EPHB1: variants seen among roughly 807,000 people sequenced by gnomAD.
EPHB1 encodes ephrin type-B receptor 1.
Under a neutral mutation model 94.4 loss-of-function variants are expected in EPHB1, and 30 were observed. The ratio of observed to expected loss-of-function variants is 0.32; its 90% CI spans 0.24 to 0.43. The LOEUF is 0.43. Ranked by LOEUF, EPHB1 falls within the 20% of genes least tolerant of loss-of-function variation. The probability of loss-of-function intolerance (pLI) is 1.00; values close to 1 mark genes in which losing one functional copy is unlikely to be tolerated. For synonymous variants in EPHB1, 522 were observed against 489.1 expected, an observed-to-expected ratio of 1.07 and a Z score of -0.89; for missense variants, 1,055 against 1,308.3, an observed-to-expected ratio of 0.81 and a Z score of 2.99.
At chr3:135,007,864 A>G (rs568800160) in intron 3 of EPHB1, among the ~76,000 whole-genome samples, 7 of 152,328 alleles carry the variant, frequency 4.6e-5, no homozygotes, top group Admixed American at 2.0e-4. Context: ...TAAGCTGTTG[A>G]TCAGGTCAGG....
chr3:135,071,565 G>A (rs1021179279), intron 3 of EPHB1, among the ~76,000 whole-genome samples: 4 of 152,184 alleles, frequency 2.6e-5, no homozygotes, highest in Admixed American at 2.0e-4. Flanking sequence ...TGTGGGCCCT[G>A]GGGATAGAAA....
At chr3:135,136,121 T>A (rs1015983826) in intron 5 of EPHB1, among the ~76,000 whole-genome samples, 3 of 152,206 alleles carry the variant, frequency 2.0e-5, no homozygotes, top group African/African-American at 7.2e-5. Context: ...GTCCTAAAAG[T>A]GGACAGTACC....
At chr3:134,882,471 G>A (rs1262948575) in intron 1 of EPHB1, among the ~76,000 whole-genome samples, 1 of 152,094 alleles carries the variant, frequency 6.6e-6, no homozygotes, top group Non-Finnish European at 1.5e-5. Flanking sequence ...ATGATTCATT[G>A]TATATAAAAA....
chr3:134,986,001 C>T (rs985316786), intron 3 of EPHB1, among the ~76,000 whole-genome samples: 1 of 152,134 alleles, frequency 6.6e-6, no homozygotes, highest in African/African-American at 2.4e-5. Context: ...ATGTTTGCCC[C>T]AGATAGTGAC....
chr3:135,223,694 T>G (rs1243683300), intron 12 of EPHB1, among the ~76,000 whole-genome samples: 1 of 152,208 alleles, frequency 6.6e-6, no homozygotes, highest in Non-Finnish European at 1.5e-5. Flanking sequence ...AAAAACAACT[T>G]CAAAAAGAAA....
intron 7 of EPHB1, among the ~76,000 whole-genome samples, chr3:135,162,882 CTG>C (rs1287088014): frequency 6.6e-6 from 1 of 152,202 alleles, no homozygotes; most frequent in Non-Finnish European, 1.5e-5. Flanking sequence ...ATCTATCTGA[CTG>C]TGCCTACCAC....
rs543328178 is a variant in EPHB1, at chr3:135,214,544, C to T, written c.2346+12855C>T. On this transcript the variant is annotated intron_variant, in intron 12 of 15. Coordinates refer to ENST00000398015, the MANE Select transcript of EPHB1 (RefSeq NM_004441.5). ...GGAAGCCAGGCCTGTCACTCATGTGCGCTCCAGAGGTCTTTGTTCTGTGAC... is the reference window on the plus strand; with the variant it reads ...GGAAGCCAGGCCTGTCACTCATGTGTGCTCCAGAGGTCTTTGTTCTGTGAC... 1.5e-3 allele frequency among the ~76,000 whole-genome samples: 222 copies of T among 152,304 alleles called. 3 individuals are homozygous for T. The highest frequency in any genetic ancestry group is 5.0e-3 in the African/African-American group (208 of 41,560).
chr3:134,963,464 C>A (rs543182310), intron 3 of EPHB1, among the ~76,000 whole-genome samples: 2 of 152,244 alleles, frequency 1.3e-5, no homozygotes, highest in East Asian at 3.9e-4. Context: ...GGGTATGGAG[C>A]ACACTTCTGG....
intron 12 of EPHB1, among the ~76,000 whole-genome samples, chr3:135,222,778 G>GGAAGCACAA (rs1354205916): frequency 2.0e-5 from 3 of 152,180 alleles, no homozygotes; most frequent in Non-Finnish European, 4.4e-5. Context: ...GTCTCCAAGA[G>GGAAGCACAA]GAAGCACAAA....
intron 1 of EPHB1, among the ~76,000 whole-genome samples, chr3:134,817,812 T>C (rs1394940692): frequency 1.3e-5 from 2 of 152,248 alleles, no homozygotes; most frequent in East Asian, 3.8e-4. Flanking sequence ...GGACAGCTCC[T>C]GGCCCAAGCC....
intron 3 of EPHB1, among the ~76,000 whole-genome samples, chr3:135,023,624 C>T (rs528625358): frequency 6.6e-6 from 1 of 152,258 alleles, no homozygotes; most frequent in African/African-American, 2.4e-5. Flanking sequence ...TTCAAGTTTG[C>T]TCTGTTTCAG....
chr3:134,939,363 A>G (rs1277619606), intron 2 of EPHB1, among the ~76,000 whole-genome samples: 1 of 141,518 alleles, frequency 7.1e-6, no homozygotes, highest in Non-Finnish European at 1.5e-5. Flanking sequence ...ACATCAGGCC[A>G]TGGTAATGAA....
chr3:135,226,851 A>C (rs1382228702), intron 12 of EPHB1, among the ~76,000 whole-genome samples: 1 of 152,198 alleles, frequency 6.6e-6, no homozygotes, highest in Admixed American at 6.5e-5. Flanking sequence ...AAAAAAAAGA[A>C]ATCATGTCCT....
At chr3:135,133,150 G>C (rs990593626) in intron 5 of EPHB1, 101 bp downstream of exon 5, 2 of 1,195,336 alleles carry the variant, frequency 1.7e-6, no homozygotes, top group African/African-American at 1.5e-5. Flanking sequence ...CCCGTGTACT[G>C]TCAGGCCTCT....
At chr3:135,139,360 G>C (rs1187377844) in intron 5 of EPHB1, among the ~76,000 whole-genome samples, 2 of 152,174 alleles carry the variant, frequency 1.3e-5, no homozygotes, top group African/African-American at 4.8e-5. Flanking sequence ...TGGTTTGTTT[G>C]GGCATTTTAA....
intron 3 of EPHB1, chr3:134,978,052 T>C (rs149508570): frequency 2.2e-6 from 1 of 450,406 alleles, no homozygotes; most frequent in Non-Finnish European, 4.4e-6. Flanking sequence ...CAGCCTCCTC[T>C]GCATCCACCC....
At chr3:135,188,920 C>A (rs2107708485) in intron 10 of EPHB1, among the ~76,000 whole-genome samples, 1 of 152,306 alleles carries the variant, frequency 6.6e-6, no homozygotes, top group East Asian at 1.9e-4. Flanking sequence ...AATTTCCATT[C>A]TTTAAGTCAC....
intron 12 of EPHB1, among the ~76,000 whole-genome samples, chr3:135,231,032 G>T (rs945291267): frequency 1.3e-5 from 2 of 152,144 alleles, no homozygotes; most frequent in African/African-American, 4.8e-5. Flanking sequence ...GATGAACATA[G>T]GATCTGCACC....
At chr3:135,004,924 G>T (rs1224923252) in intron 3 of EPHB1, among the ~76,000 whole-genome samples, 1 of 152,154 alleles carries the variant, frequency 6.6e-6, no homozygotes, top group Non-Finnish European at 1.5e-5. Flanking sequence ...ATAGCTCAGA[G>T]TAATTTGATC....
Sources: gnomAD v4.1 joint callset for allele counts (sites outside exome capture counted in the v4.1 genomes callset) on GRCh38, gnomAD v4.1.1 for gene constraint, MANE v1.5 for transcripts, NCBI Gene and HGNC (gene_info 2026-07-23, HGNC 2026-07-21) for gene names.